SLC23A2: variants seen among roughly 807,000 people sequenced by gnomAD.
The protein encoded by SLC23A2 is solute carrier family 23 member 2, also known as Na(+)/L-ascorbic acid transporter 2.
Under a neutral mutation model 73.3 loss-of-function variants are expected in SLC23A2, and 36 were observed. That is an observed-to-expected ratio of 0.49 (90% CI 0.38 to 0.65). SLC23A2 has a LOEUF of 0.65. SLC23A2 is among the 30% of genes least tolerant of loss of function. The pLI is 0.00. For missense variants in SLC23A2, 507 were observed against 841.6 expected (o/e 0.60, Z 4.92); for synonymous variants, 343 against 327.3 (o/e 1.05, Z -0.52).
intron 1 of SLC23A2, among the ~76,000 whole-genome samples, chr20:4,978,165 GC>G (rs776771588): frequency 1.7e-4 from 26 of 152,200 alleles, no homozygotes; most frequent in Admixed American, 1.3e-4. Context: ...AAGGAGTAAT[GC>G]CCCGATTTAC....
At position 4,856,793 on chromosome 20, in the gene SLC23A2, G is replaced by GCGAGACAC. The variant is rs1929728626; in HGVS notation, c.*171_*178dup. 3.4e-6 allele frequency: 2 copies of GCGAGACAC among 590,478 alleles called. No individual in the cohort carries two copies. Among genetic ancestry groups the GCGAGACAC allele is most frequent in the Non-Finnish European group, 6.0e-6 (2 of 331,836 alleles). 36.6% of individuals were successfully genotyped at this position (590,478 alleles called of 1,614,324 possible). ...GTTAAGGGCTTAAATAAGGAGATAGGCGAGACACCGCATCAGGCACCATCA... is the reference window on the plus strand; with the variant it reads ...GTTAAGGGCTTAAATAAGGAGATAGGCGAGACACCGAGACACCGCATCAGGCACCATCA... On this transcript the variant is annotated 3_prime_UTR_variant, in exon 17 of 17. Coordinates refer to ENST00000338244, the MANE Select transcript of SLC23A2 (RefSeq NM_005116.6). This position sits in a 1 kb window ranked among gnomAD's most constrained non-coding sequence, Gnocchi z 4.6.
rs187748806 is a variant in SLC23A2 at position 4,857,384 on chromosome 20, G to T, written c.1721-180C>A. ...CTAGATAACAGCAAAGAATACTTGA[G>T]GAGGTGAAGGTGCTCAGCTATCCAG... On this transcript the variant is annotated intron_variant, in intron 16 of 16. Transcript: ENST00000338244. The surrounding 1 kb of genome is among the most constrained non-coding windows in gnomAD (Gnocchi z 4.0). Among the ~76,000 whole-genome samples, 136 of 151,540 alleles carry T rather than the reference G, an allele frequency of 9.0e-4. 1 individual carries two copies. Among genetic ancestry groups the T allele is most frequent in the Admixed American group, 8.2e-3 (125 of 15,210 alleles).
rs1229115659 is a variant in SLC23A2 at position 4,872,050 on chromosome 20, T to A, written c.1102+1886A>T. Among the ~76,000 whole-genome samples the A allele has an allele frequency of 6.6e-6, 1 of 152,168 alleles. No homozygotes were observed. The highest frequency in any genetic ancestry group is 2.4e-5 in the African/African-American group (1 of 41,450). ...TTGGCTTCCAGCCTTCTCTCTTGAA[T>A]CTGTTATTTCATATCTCCTTTTACC... On this transcript the variant is annotated intron_variant, in intron 11 of 16. Coordinates refer to ENST00000338244, the MANE Select transcript of SLC23A2 (RefSeq NM_005116.6). This position sits in a 1 kb window ranked among gnomAD's most constrained non-coding sequence, Gnocchi z 4.4.
intron 2 of SLC23A2, among the ~76,000 whole-genome samples, chr20:4,959,904 C>T (rs1247838627): frequency 6.6e-6 from 1 of 152,178 alleles, no homozygotes; most frequent in Non-Finnish European, 1.5e-5. Flanking sequence ...CCACCTCAGC[C>T]TCATAAGTAG....
rs568519127 is a variant in SLC23A2, at chr20:4,947,729, C to T, written c.-154-15013G>A. ...TCCAACAATCATTCTGGAAGACAAA[C>T]GTTGTTCGTGTTACCTTCCAAGCTA... On this transcript the variant is annotated intron_variant, in intron 2 of 16. Coordinates refer to ENST00000338244, the MANE Select transcript of SLC23A2 (RefSeq NM_005116.6). The surrounding 1 kb of genome is among the most constrained non-coding windows in gnomAD (Gnocchi z 4.4). 6.6e-6 allele frequency among the ~76,000 whole-genome samples: 1 copy of T among 152,134 alleles called. No individual in the cohort carries two copies. Among genetic ancestry groups the T allele is most frequent in the Admixed American group, 6.5e-5 (1 of 15,272 alleles).
At chr20:4,915,931 G>A (rs893478003) in intron 3 of SLC23A2, among the ~76,000 whole-genome samples, 2 of 152,146 alleles carry the variant, frequency 1.3e-5, no homozygotes, top group Non-Finnish European at 2.9e-5. Flanking sequence ...CTGGTCAACA[G>A]AGCGAGACTC....
At chr20:4,866,021 CAG>C (rs1930181813) in intron 13 of SLC23A2, among the ~76,000 whole-genome samples, 1 of 151,948 alleles carries the variant, frequency 6.6e-6, no homozygotes, top group Admixed American at 6.6e-5. Context: ...TTAGTGGAGA[CAG>C]GGGTTCAACA....
At chr20:4,939,668 G>A (rs894205973) in intron 2 of SLC23A2, among the ~76,000 whole-genome samples, 5 of 152,178 alleles carry the variant, frequency 3.3e-5, no homozygotes, top group African/African-American at 1.2e-4. Flanking sequence ...CAACAGCAAA[G>A]AAGAACATGT....
At chr20:4,880,588 G>A (rs58350439) in intron 9 of SLC23A2, among the ~76,000 whole-genome samples, 9,996 of 151,976 alleles carry the variant, frequency 0.066, 744 homozygotes, top group African/African-American at 0.18. Flanking sequence ...GAATTCTCAC[G>A]AATAGAGAAA....
At chr20:4,905,545 A>C (rs1931912571) in intron 4 of SLC23A2, among the ~76,000 whole-genome samples, 1 of 152,268 alleles carries the variant, frequency 6.6e-6, no homozygotes, top group Admixed American at 6.5e-5. Flanking sequence ...TATGGTCCAA[A>C]ATAATCTAAA....
At chr20:4,926,927 C>T (rs1182497104) in intron 3 of SLC23A2, among the ~76,000 whole-genome samples, 1 of 152,096 alleles carries the variant, frequency 6.6e-6, no homozygotes, top group African/African-American at 2.4e-5. Flanking sequence ...AGACACCCCA[C>T]AAGCCTGGTT....
chr20:4,852,504 AC>A lies in SLC23A2; in HGVS notation c.*4467del, dbSNP rs1336130534. Reference sequence around the variant, plus strand: ...CGTTTAATGAAGCCATGTTAGAAAAACAATATGAAAATTCTTTTTAAAAACT... The same window carrying A: ...CGTTTAATGAAGCCATGTTAGAAAAAAATATGAAAATTCTTTTTAAAAACT... On this transcript the variant is annotated 3_prime_UTR_variant, in exon 17 of 17. Transcript: ENST00000338244. This position sits in a 1 kb window ranked among gnomAD's most constrained non-coding sequence, Gnocchi z 4.3. The A allele has an allele frequency of 1.3e-5, 2 of 152,646 alleles. No individual in the cohort carries two copies. The highest frequency in any genetic ancestry group is 2.9e-5 in the Non-Finnish European group (2 of 68,038). 9.5% of individuals were successfully genotyped at this position (152,646 alleles called of 1,614,324 possible).
At chr20:4,859,157 GA>G (rs1929856050) in intron 16 of SLC23A2, 131 bp downstream of exon 16, 1 of 637,966 alleles carries the variant, frequency 1.6e-6, no homozygotes, top group East Asian at 2.6e-5. Flanking sequence ...AACTGTTTTA[GA>G]AAACAGTTAT....
chr20:4,935,141 C>T (rs1463001434), intron 2 of SLC23A2, among the ~76,000 whole-genome samples: 1 of 141,002 alleles, frequency 7.1e-6, no homozygotes, highest in Non-Finnish European at 1.5e-5. Flanking sequence ...GAGCCGAGAT[C>T]GCGCCACTGC....
At chr20:4,890,004 G>A (rs1472912682) in intron 6 of SLC23A2, among the ~76,000 whole-genome samples, 1 of 152,164 alleles carries the variant, frequency 6.6e-6, no homozygotes, top group Non-Finnish European at 1.5e-5. Flanking sequence ...CGGGCGGCTT[G>A]CAGTCCTCCT....
In SLC23A2 at chr20:4,868,773, G is replaced by C. The variant is rs1227535113; in HGVS notation, c.1251-898C>G. Reference sequence around the variant, plus strand: ...TTCTGGGGTTACAGAGCTGGCTGGAGAACAGGAGGGGATCTGGGCTGTTTT... The same window carrying C: ...TTCTGGGGTTACAGAGCTGGCTGGACAACAGGAGGGGATCTGGGCTGTTTT... On this transcript the variant is annotated intron_variant, in intron 12 of 16. Coordinates refer to ENST00000338244, the MANE Select transcript of SLC23A2 (RefSeq NM_005116.6). The surrounding 1 kb of genome is among the most constrained non-coding windows in gnomAD (Gnocchi z 4.4). 6.6e-6 allele frequency among the ~76,000 whole-genome samples: 1 copy of C among 152,166 alleles called. No individual in the cohort carries two copies. Among genetic ancestry groups the C allele is most frequent in the Non-Finnish European group, 1.5e-5 (1 of 68,032 alleles).
chr20:4,893,069 A>AC (rs1931390326), intron 6 of SLC23A2, among the ~76,000 whole-genome samples: 1 of 149,060 alleles, frequency 6.7e-6, no homozygotes, highest in Non-Finnish European at 1.5e-5. Context: ...CTGCAACTTT[A>AC]CTTTTTTTTT....
In SLC23A2 at chr20:4,853,383, T is replaced by A. The variant is rs1206689555; in HGVS notation, c.*3589A>T. 2 of 152,700 alleles carry A rather than the reference T, an allele frequency of 1.3e-5. 1 individual carries two copies. The highest frequency in any genetic ancestry group is 4.1e-4 in the South Asian group (2 of 4,836). 9.5% of individuals were successfully genotyped at this position (152,700 alleles called of 1,614,324 possible). ...CTGGCCACTCCCATGGCATCCGTAT[T>A]ACTGAAGATGAGACTTGCCAACTTT... On this transcript the variant is annotated 3_prime_UTR_variant, in exon 17 of 17. Coordinates refer to ENST00000338244, the MANE Select transcript of SLC23A2 (RefSeq NM_005116.6).
chr20:4,966,939 G>A (rs941626117), intron 2 of SLC23A2, among the ~76,000 whole-genome samples: 1 of 151,960 alleles, frequency 6.6e-6, no homozygotes, highest in Non-Finnish European at 1.5e-5. Context: ...TACATGATGG[G>A]GAGCAGGTGC....
Sources: allele counts gnomAD v4.1 joint callset (sites outside exome capture counted in the v4.1 genomes callset), GRCh38; gene constraint gnomAD v4.1.1; non-coding constraint Gnocchi (gnomAD v3.1); transcripts MANE v1.5; gene names NCBI Gene and HGNC (gene_info 2026-07-23, HGNC 2026-07-21).